The following MRE11 variants were observed in gnomAD, a reference collection of about 807,000 sequenced individuals.
MRE11 encodes the protein double-strand break repair protein MRE11.
In MRE11, 62 loss-of-function variants were observed where a neutral mutation model predicts 91.7. The ratio of observed to expected loss-of-function variants is 0.68; its 90% CI spans 0.55 to 0.84. The LOEUF (loss-of-function observed/expected upper bound fraction) is 0.84. Among genes scored for constraint, MRE11 ranks in the 40% least tolerant of loss-of-function variants. The pLI is 0.00. For missense variants in MRE11, 796 were observed against 852.9 expected (o/e 0.93, Z 0.83); for synonymous variants, 273 against 271.4 (o/e 1.01, Z -0.06).
At chr11:94,460,522 T>C (rs928145698) in intron 12 of MRE11, among the ~76,000 whole-genome samples, 1 of 152,230 alleles carries the variant, frequency 6.6e-6, no homozygotes, top group Non-Finnish European at 1.5e-5. Context: ...AACAGTTATG[T>C]TAATAATGGT....
chr11:94,467,340 T>A (rs1319776450), intron 10 of MRE11, among the ~76,000 whole-genome samples: 2 of 151,964 alleles, frequency 1.3e-5, no homozygotes, highest in East Asian at 3.9e-4. Context: ...TAGAAGGATG[T>A]GTTACGGGGA....
Position 94,460,843 on chromosome 11 carries a change from C to A in MRE11, c.1326+93G>T, listed in dbSNP as rs115203193. 1,672 of 1,012,900 alleles carry A rather than the reference C, an allele frequency of 1.7e-3. 13 individuals are homozygous for A. In the African/African-American group the frequency reaches 0.02, roughly 12 times the overall value. 62.7% of individuals were successfully genotyped at this position (1,012,900 alleles called of 1,614,324 possible). On this transcript the variant is annotated intron_variant, in intron 12 of 19. Coordinates refer to ENST00000323929, the MANE Select transcript of MRE11 (RefSeq NM_005591.4). ...ACTTCATAGAAACATTTTGAGGATT[C>A]ATTTTGTTTAAACTATCAACTAAAC... is the stretch of plus-strand genomic sequence containing the variant.
At chr11:94,429,511 CAA>C (rs1375975735) in intron 19 of MRE11, among the ~76,000 whole-genome samples, 1 of 152,054 alleles carries the variant, frequency 6.6e-6, no homozygotes, top group Non-Finnish European at 1.5e-5. Flanking sequence ...ATAAAAAGAA[CAA>C]AATTATGTCC....
chr11:94,499,586 C>T, the MRE11 span: 2 of 152,128 alleles, frequency 1.3e-5, no homozygotes, highest in African/African-American at 2.4e-5. Context: ...ACACAAAAGG[C>T]ATGAATTCAT....
intron 16 of MRE11, among the ~76,000 whole-genome samples, chr11:94,441,706 G>A (rs1270823639): frequency 6.6e-6 from 1 of 152,172 alleles, no homozygotes; most frequent in Non-Finnish European, 1.5e-5. Context: ...GCTGGGCAAG[G>A]TGGCTCATGC....
chr11:94,456,289 T>C lies in MRE11; in HGVS notation c.1550A>G (p.Asp517Gly), dbSNP rs1329240039. The change falls in exon 14 of 20, where the codon GAT becomes GGT. Residue 517 changes from aspartate (D) to glycine (G), a missense_variant. Physicochemically the swap from Asp to Gly is moderately conservative, Grantham distance 94. Coordinates refer to ENST00000323929, the MANE Select transcript of MRE11 (RefSeq NM_005591.4). The part of the protein sequence containing the change: ...TRQKNTNEED[D>G]EVREAMTRAR... ...CAGAATAATTACCTCACGGACTTCA[T>C]CATCTTCTTCATTAGTATTTTTTTG... 1 of 1,613,522 alleles carries C rather than the reference T, an allele frequency of 6.2e-7. No homozygotes were observed. The highest frequency in any genetic ancestry group is 2.2e-5 in the East Asian group (1 of 44,844).
chr11:94,464,494 T>C (rs953445107), intron 10 of MRE11, among the ~76,000 whole-genome samples: 1 of 152,196 alleles, frequency 6.6e-6, no homozygotes, highest in Non-Finnish European at 1.5e-5. Context: ...CAATGCAGAA[T>C]GATTACATCT....
At position 94,418,951 on chromosome 11, in the gene MRE11, G is replaced by C; in HGVS notation, c.*1174C>G. On this transcript the variant is annotated 3_prime_UTR_variant, in exon 20 of 20. Transcript: ENST00000323929. ...TTCTAATGGTCATGAGTATCACTGA[G>C]TCAAGTATTTGTTTCTACCTATGAA... is the stretch of plus-strand genomic sequence containing the variant. 1 of 231,274 alleles carries C rather than the reference G, an allele frequency of 4.3e-6. No individual in the cohort carries two copies. Among genetic ancestry groups the C allele is most frequent in the African/African-American group, 2.2e-5 (1 of 45,354 alleles). 14.3% of individuals were successfully genotyped at this position (231,274 alleles called of 1,614,324 possible).
At chr11:94,487,552 A>G (rs1466227305) in intron 3 of MRE11, among the ~76,000 whole-genome samples, 5 of 152,220 alleles carry the variant, frequency 3.3e-5, no homozygotes, top group Non-Finnish European at 7.3e-5. Flanking sequence ...TGGCAACTAA[A>G]TGCAATATGT....
intron 14 of MRE11, among the ~76,000 whole-genome samples, chr11:94,450,999 T>G (rs1241227217): frequency 2.0e-5 from 3 of 151,462 alleles, no homozygotes; most frequent in African/African-American, 7.3e-5. Context: ...GGCTCACATC[T>G]CTAATACTAG....
At chr11:94,481,512 T>G (rs908503663) in intron 4 of MRE11, among the ~76,000 whole-genome samples, 1 of 152,224 alleles carries the variant, frequency 6.6e-6, no homozygotes, top group Non-Finnish European at 1.5e-5. Context: ...GTTTTTGGCA[T>G]GCAGAAATTT....
chr11:94,506,680 C>T, the MRE11 span, among the ~76,000 whole-genome samples: 1 of 151,662 alleles, frequency 6.6e-6, no homozygotes. Flanking sequence ...CCTTGAACTC[C>T]TGGACTCAAC....
intron 3 of MRE11, among the ~76,000 whole-genome samples, chr11:94,487,788 C>A (rs1947179393): frequency 2.6e-5 from 4 of 152,076 alleles, no homozygotes; most frequent in Admixed American, 2.6e-4. Flanking sequence ...TGTTAGAAAA[C>A]CTGGGTGACG....
chr11:94,479,026 A>G (rs1437303360), intron 5 of MRE11, 150 bp from the exon 6 acceptor site: 32 of 845,764 alleles, frequency 3.8e-5, no homozygotes, highest in Non-Finnish European at 5.2e-5. Flanking sequence ...TTACAATAGT[A>G]AAAGTATTTG....
At chr11:94,471,422 C>T in intron 8 of MRE11, 152 bp downstream of exon 8, 1 of 732,836 alleles carries the variant, frequency 1.4e-6, no homozygotes, top group South Asian at 1.8e-5. Context: ...AATAAGACTA[C>T]ACAGAATGAT....
At position 94,466,493 on chromosome 11, in the gene MRE11, G is replaced by A. The variant is rs144419972; in HGVS notation, c.1098+1320C>T. On this transcript the variant is annotated intron_variant, in intron 10 of 19. Coordinates refer to ENST00000323929, the MANE Select transcript of MRE11 (RefSeq NM_005591.4). ...ATCCATTTAGATCTCATAAATCTAC[G>A]AAGCATTTGGTTGGTGCACAAGTAA... is the stretch of plus-strand genomic sequence containing the variant. 4.1e-5 allele frequency: 22 copies of A among 532,148 alleles called. No individual in the cohort carries two copies. In the East Asian group the frequency reaches 9.3e-4, roughly 23 times the overall value. 33.0% of individuals were successfully genotyped at this position (532,148 alleles called of 1,614,324 possible).
Position 94,467,805 on chromosome 11 carries a change from G to C in MRE11, c.1098+8C>G, listed in dbSNP as rs749039246. The C allele has an allele frequency of 6.3e-7, 1 of 1,596,832 alleles. No homozygotes were observed. Among genetic ancestry groups the C allele is most frequent in the Admixed American group, 1.7e-5 (1 of 59,988 alleles). The stretch of plus-strand genomic sequence containing the variant: ...TAATAATATTCAATCTATATAAATA[G>C]GACTTACTCGCAGTCGTACAAGAGG... On this transcript the variant is annotated splice_region_variant and intron_variant, in intron 10 of 19. Transcript: ENST00000323929.
rs1412692615 is a variant in MRE11 at position 94,441,215 on chromosome 11, T to G, written c.1868-3980A>C. On this transcript the variant is annotated intron_variant, in intron 16 of 19. Transcript: ENST00000323929. ...TGTATTTCTTCCCCTAAGTTCGCTT[T>G]GGAATAAAAAGTCACTTTCTTTATA... 3.9e-5 allele frequency among the ~76,000 whole-genome samples: 6 copies of G among 152,312 alleles called. No homozygotes were observed. In the East Asian group the frequency reaches 1.2e-3, roughly 29 times the overall value.
intron 11 of MRE11, among the ~76,000 whole-genome samples, chr11:94,463,450 T>C (rs1946475398): frequency 6.6e-6 from 1 of 152,206 alleles, no homozygotes; most frequent in African/African-American, 2.4e-5. Context: ...CAAAGGATTA[T>C]AAATCATGCT....
Sources: allele counts gnomAD v4.1 joint callset (sites outside exome capture counted in the v4.1 genomes callset), GRCh38; gene constraint gnomAD v4.1.1; transcripts MANE v1.5; gene names NCBI Gene and HGNC (gene_info 2026-07-23, HGNC 2026-07-21).